Variants in RCBTB2 observed in about 807,000 individuals in gnomAD.
The protein encoded by RCBTB2 is RCC1 and BTB domain-containing protein 2.
In RCBTB2, 55 loss-of-function variants were observed where a neutral mutation model predicts 65.4. That is an observed-to-expected ratio of 0.84 (90% CI 0.68 to 1.05). The LOEUF (loss-of-function observed/expected upper bound fraction) is 1.05. Ranked by LOEUF, RCBTB2 falls within the 50% of genes least tolerant of loss-of-function variation. The pLI is 0.00. For synonymous variants in RCBTB2, 220 were observed against 255.2 expected (o/e 0.86, Z 1.31); for missense variants, 599 against 680.1 (o/e 0.88, Z 1.33).
At chr13:48,505,829 G>A (rs990801736) in intron 10 of RCBTB2, among the ~76,000 whole-genome samples, 2 of 152,218 alleles carry the variant, frequency 1.3e-5, no homozygotes, top group East Asian at 1.9e-4. Flanking sequence ...TTTTGTGTAC[G>A]TGAAATAAGT....
Position 48,517,155 on chromosome 13 carries a change from C to T in RCBTB2, c.43-1414G>A, listed in dbSNP as rs149667011. Among the ~76,000 whole-genome samples the T allele has an allele frequency of 2.2e-3, 337 of 152,322 alleles. 1 individual carries two copies. The highest frequency in any genetic ancestry group is 7.3e-3 in the African/African-American group (304 of 41,564). On this transcript the variant is annotated intron_variant, in intron 4 of 14. Coordinates refer to ENST00000344532, the MANE Select transcript of RCBTB2 (RefSeq NM_001268.4). ...TCCACACTATTAACTTAGTAAGCCT[C>T]CCCTGTCCTCATTACCATGAATTTC...
upstream of RCBTB2, among the ~76,000 whole-genome samples, chr13:48,534,206 CAG>C (rs1952320185): frequency 6.6e-6 from 1 of 152,196 alleles, no homozygotes; most frequent in Admixed American, 6.5e-5. Flanking sequence ...AGCGATAGTG[CAG>C]AGAGGCATCG....
At position 48,489,178 on chromosome 13, in the gene RCBTB2, A is replaced by C. The variant is rs2138375854; in HGVS notation, c.*933T>G. 6.6e-6 allele frequency: 1 copy of C among 152,348 alleles called. No individual in the cohort carries two copies. Among genetic ancestry groups the C allele is most frequent in the East Asian group, 1.9e-4 (1 of 5,190 alleles). 9.4% of individuals were successfully genotyped at this position (152,348 alleles called of 1,614,324 possible). A position where few individuals can be genotyped will look rare whatever the true frequency, so the allele number is the denominator to read the frequency against. On this transcript the variant is annotated 3_prime_UTR_variant, in exon 15 of 15. Coordinates refer to ENST00000344532, the MANE Select transcript of RCBTB2 (RefSeq NM_001268.4). ...TATCTCATTCTTGTTAATGCTGTCC[A>C]TGAAATGTAAGTATCAGTTCCTTCT...
In RCBTB2 at chr13:48,527,361, T is replaced by TATGATATATATATATATCATA; in HGVS notation, c.-218-2605_-218-2604insTATGATATATATATATATCAT. Among the ~76,000 whole-genome samples the TATGATATATATATATATCATA allele has an allele frequency of 2.2e-4, 25 of 112,424 alleles. 1 individual carries two copies. The highest frequency in any genetic ancestry group is 1.3e-3 in the African/African-American group (23 of 18,096). The allele number at this position is 112,424 out of a possible 152,430, so 73.8% of individuals were successfully genotyped here. On this transcript the variant is annotated intron_variant, in intron 1 of 14. Coordinates refer to ENST00000344532, the MANE Select transcript of RCBTB2 (RefSeq NM_001268.4). ...TGATATATATATATATGATATATAT[T>TATGATATATATATATATCATA]TATATATGATATATATATATGATAT...
Position 48,512,126 on chromosome 13 carries a change from T to C in RCBTB2, c.565A>G (p.Thr189Ala), listed in dbSNP as rs771816977. ...CTTCGAGGGATTGGCTGATTAACTG[T>C]TGATCCAGATCCTACCTGCCCAGAG... is the stretch of plus-strand genomic sequence containing the variant. ...NNSGQVGSGSTVNQPIPRRVT... is the reference protein window; with the variant it reads ...NNSGQVGSGSAVNQPIPRRVT... Residue 189 changes from threonine to alanine, a missense_variant, in exon 8 of 15, where the codon ACA becomes GCA. Thr to Ala is a moderately conservative substitution (Grantham distance 58). Coordinates refer to ENST00000344532, the MANE Select transcript of RCBTB2 (RefSeq NM_001268.4). The C allele has an allele frequency of 6.2e-7, 1 of 1,614,234 alleles. No individual in the cohort carries two copies.
In RCBTB2 at chr13:48,499,833, C is replaced by A; in HGVS notation, c.1245-73G>T. 4 of 1,572,370 alleles carry A rather than the reference C, an allele frequency of 2.5e-6. No individual in the cohort carries two copies. The East Asian group carries it at 6.7e-5, about 26-fold the overall frequency. ...AGATGGCCTCTGTGAGGACCACGTTCTTCTCTCGAAGGTGCACGCTGGCAC... is the reference window on the plus strand; with the variant it reads ...AGATGGCCTCTGTGAGGACCACGTTATTCTCTCGAAGGTGCACGCTGGCAC... On this transcript the variant is annotated intron_variant, in intron 12 of 14. Transcript: ENST00000344532.
chr13:48,508,374 A>C (rs910591471), intron 10 of RCBTB2, among the ~76,000 whole-genome samples: 1 of 152,100 alleles, frequency 6.6e-6, no homozygotes, highest in African/African-American at 2.4e-5. Flanking sequence ...TACGGAAAAC[A>C]GAAAATCAGG....
At chr13:48,491,670 A>C (rs1041624099) in intron 14 of RCBTB2, 10 of 152,322 alleles carry the variant, frequency 6.6e-5, no homozygotes, top group Non-Finnish European at 1.2e-4. Context: ...CACACATTAG[A>C]GTGTGTCTGG....
At chr13:48,535,859 C>A, upstream of RCBTB2, 1 of 407,814 alleles carries the variant, frequency 2.5e-6, no homozygotes, top group South Asian at 1.8e-5. Flanking sequence ...GGTTCTTGGA[C>A]TTCTCTATCT....
Position 48,502,751 on chromosome 13 carries a change from C to T in RCBTB2, c.1090G>A (p.Ala364Thr), listed in dbSNP as rs771974782. The T allele has an allele frequency of 9.9e-6, 16 of 1,612,448 alleles. No homozygotes were observed. The highest frequency in any genetic ancestry group is 4.4e-5 in the South Asian group (4 of 90,944). Residue 364 changes from alanine to threonine, a missense_variant, in exon 11 of 15, where the codon GCC (alanine) becomes ACC (threonine). Transcript: ENST00000344532. ...DDVFACFATP[A>T]VTWRLLSVEP... ...ACGGAGAGGAGGCGCCACGTGACGG[C>T]GGGCGTGGCAAAGCAGGCAAACACG...
chr13:48,523,063 A>T (rs139844871), intron 2 of RCBTB2, among the ~76,000 whole-genome samples: 1 of 152,354 alleles, frequency 6.6e-6, no homozygotes, highest in African/African-American at 2.4e-5. Flanking sequence ...ATTTGGAAAC[A>T]AGTAAAAAAG....
chr13:48,492,077 G>A (rs1248710990), intron 14 of RCBTB2, among the ~76,000 whole-genome samples: 1 of 152,052 alleles, frequency 6.6e-6, no homozygotes, highest in Non-Finnish European at 1.5e-5. Flanking sequence ...TCTCCTACAG[G>A]ACTCTCATAC....
At chr13:48,511,515 T>C (rs1050308883) in intron 9 of RCBTB2, among the ~76,000 whole-genome samples, 1 of 152,222 alleles carries the variant, frequency 6.6e-6, no homozygotes, top group Non-Finnish European at 1.5e-5. Flanking sequence ...TCAAAGGGTA[T>C]AAAAGCTTTT....
At chr13:48,507,725 A>G (rs1022725127) in intron 10 of RCBTB2, among the ~76,000 whole-genome samples, 1 of 152,240 alleles carries the variant, frequency 6.6e-6, no homozygotes, top group South Asian at 2.1e-4. Flanking sequence ...GTAAGAGCCC[A>G]AGTATTATAC....
At chr13:48,520,192 T>G (rs1402379986) in intron 4 of RCBTB2, among the ~76,000 whole-genome samples, 1 of 152,164 alleles carries the variant, frequency 6.6e-6, no homozygotes, top group Non-Finnish European at 1.5e-5. Context: ...CATTCTTCTG[T>G]CCAGCACACT....
chr13:48,518,276 G>C (rs1197906713), intron 4 of RCBTB2, among the ~76,000 whole-genome samples: 2 of 151,970 alleles, frequency 1.3e-5, no homozygotes, highest in Non-Finnish European at 2.9e-5. Context: ...CCTGTACCAG[G>C]GCTAAGCTCT....
chr13:48,502,590 C>A (rs1593641210), intron 11 of RCBTB2, 134 bp downstream of exon 11: 2 of 819,008 alleles, frequency 2.4e-6, no homozygotes, highest in East Asian at 5.8e-5. Flanking sequence ...AAAATTAGTT[C>A]CCTTTTGTAG....
intron 2 of RCBTB2, among the ~76,000 whole-genome samples, chr13:48,523,808 C>A (rs1951556632): frequency 6.6e-6 from 1 of 152,088 alleles, no homozygotes; most frequent in South Asian, 2.1e-4. Context: ...GAAATAACCT[C>A]TTTTCAGTGT....
At chr13:48,497,278 A>G (rs927454759) in intron 13 of RCBTB2, among the ~76,000 whole-genome samples, 1 of 152,082 alleles carries the variant, frequency 6.6e-6, no homozygotes, top group African/African-American at 2.4e-5. Context: ...CACTTTCCTC[A>G]CTTACTTCCC....
Sources: allele counts gnomAD v4.1 joint callset (sites outside exome capture counted in the v4.1 genomes callset), GRCh38; gene constraint gnomAD v4.1.1; transcripts MANE v1.5; gene names NCBI Gene and HGNC (gene_info 2026-07-23, HGNC 2026-07-21).